Variants in NKAIN3 observed in about 807,000 individuals in gnomAD.
NKAIN3 encodes the protein sodium/potassium transporting ATPase interacting 3, also known as sodium/potassium-transporting ATPase subunit beta-1-interacting protein 3.
NKAIN3 carries 25 observed loss-of-function variants against 30.2 expected under a neutral mutation model. The ratio of observed to expected loss-of-function variants is 0.83; its 90% CI spans 0.60 to 1.16. The LOEUF is 1.16. Among genes scored for constraint, NKAIN3 ranks in the 50% most tolerant of loss-of-function variants. The probability of loss-of-function intolerance (pLI) is 0.00; values close to 1 mark genes in which losing one functional copy is unlikely to be tolerated. For missense variants in NKAIN3, 225 were observed against 254.1 expected (o/e 0.89, Z 0.78); for synonymous variants, 91 against 89.6 (o/e 1.02, Z -0.09).
rs1351624113 is a variant in NKAIN3, at chr8:62,957,379, C to T, written c.603+3407C>T. ...TCGATCTCCTGACCTTGTGATCCGCCCCCTTCGGCCTCCCAAAGTGTTGGG... is the reference window on the plus strand; with the variant it reads ...TCGATCTCCTGACCTTGTGATCCGCTCCCTTCGGCCTCCCAAAGTGTTGGG... On this transcript the variant is annotated intron_variant, in intron 6 of 6. Coordinates refer to ENST00000623646, the MANE Select transcript of NKAIN3 (RefSeq NM_001304533.3). Among the ~76,000 whole-genome samples, 3 of 152,328 alleles carry T rather than the reference C, an allele frequency of 2.0e-5. No individual in the cohort carries two copies. The East Asian group carries it at 5.8e-4, about 29-fold the overall frequency.
In NKAIN3 at chr8:62,291,061, A is replaced by T. The variant is rs189836186; in HGVS notation, c.54+41934A>T. 5.6e-3 allele frequency among the ~76,000 whole-genome samples: 857 copies of T among 152,150 alleles called. 9 individuals carry two copies. Among genetic ancestry groups the T allele is most frequent in the African/African-American group, 0.02 (819 of 41,510 alleles). ...GTAGTATTCTGTGATGGTAGTTTGT[A>T]TTTCTGTGGGATCAGTGGTGATATC... On this transcript the variant is annotated intron_variant, in intron 1 of 6. Transcript: ENST00000623646.
downstream of NKAIN3, chr8:62,985,012 G>A (rs1824174185): frequency 1.3e-5 from 2 of 152,104 alleles, no homozygotes; most frequent in African/African-American, 4.8e-5. Context: ...GATTTTGGAG[G>A]ATTACCCCCC....
intron 1 of NKAIN3, among the ~76,000 whole-genome samples, chr8:62,355,942 T>C (rs1248808859): frequency 1.3e-5 from 2 of 152,248 alleles, no homozygotes; most frequent in Non-Finnish European, 2.9e-5. Flanking sequence ...TCATGATCTC[T>C]AAAAATTAAC....
chr8:62,454,492 C>T (rs1177624852), intron 1 of NKAIN3, among the ~76,000 whole-genome samples: 1 of 151,812 alleles, frequency 6.6e-6, no homozygotes, highest in African/African-American at 2.4e-5. Context: ...AACTCCTGCC[C>T]TATAATTTTT....
rs7841246 is a variant in NKAIN3, at chr8:62,925,006, G to A, written c.532+6493G>A. ...ATTAGGTTTCAACATATGAATTGGT[G>A]GGGGTGGGAGGGTAATAAACATTCA... is the stretch of plus-strand genomic sequence containing the variant. On this transcript the variant is annotated intron_variant, in intron 5 of 6. Transcript: ENST00000623646. Among the ~76,000 whole-genome samples the A allele has an allele frequency of 8.5e-3, 1,292 of 152,204 alleles. 23 individuals carry two copies. The highest frequency in any genetic ancestry group is 0.03 in the African/African-American group (1,248 of 41,524).
intron 1 of NKAIN3, among the ~76,000 whole-genome samples, chr8:62,437,359 A>C (rs1417690386): frequency 6.6e-6 from 1 of 152,210 alleles, no homozygotes; most frequent in Non-Finnish European, 1.5e-5. Context: ...GTTAACACGG[A>C]TAGTTAAATG....
intron 5 of NKAIN3, among the ~76,000 whole-genome samples, chr8:62,942,444 A>G (rs923002528): frequency 6.6e-6 from 1 of 151,316 alleles, no homozygotes; most frequent in Non-Finnish European, 1.5e-5. Flanking sequence ...TGAAATGACC[A>G]TACTTCCAAA....
intron 1 of NKAIN3, among the ~76,000 whole-genome samples, chr8:62,572,656 A>C (rs958634760): frequency 2.0e-5 from 3 of 152,168 alleles, no homozygotes; most frequent in African/African-American, 7.2e-5. Flanking sequence ...TCATGGCAGG[A>C]GGTGAATGAC....
At chr8:62,821,818 A>C (rs546483336) in intron 4 of NKAIN3, among the ~76,000 whole-genome samples, 1 of 152,198 alleles carries the variant, frequency 6.6e-6, no homozygotes, top group African/African-American at 2.4e-5. Context: ...CATGAGTGTG[A>C]GTTTTACTAA....
intron 3 of NKAIN3, among the ~76,000 whole-genome samples, chr8:62,707,199 G>A (rs957136828): frequency 1.3e-5 from 2 of 152,030 alleles, no homozygotes; most frequent in African/African-American, 4.8e-5. Flanking sequence ...GTGTGTGCAA[G>A]TATCTTTTTC....
intron 1 of NKAIN3, among the ~76,000 whole-genome samples, chr8:62,553,395 A>G (rs1347079413): frequency 6.6e-6 from 1 of 152,184 alleles, no homozygotes; most frequent in Non-Finnish European, 1.5e-5. Flanking sequence ...CCATTGTTAC[A>G]TTCCTTATTT....
At chr8:62,321,741 T>G (rs1406974531) in intron 1 of NKAIN3, among the ~76,000 whole-genome samples, 1 of 152,138 alleles carries the variant, frequency 6.6e-6, no homozygotes, top group Non-Finnish European at 1.5e-5. Context: ...CTGCCCCTAC[T>G]GGGGGGTGCC....
intron 4 of NKAIN3, among the ~76,000 whole-genome samples, chr8:62,812,191 T>A (rs1818508718): frequency 2.6e-5 from 4 of 151,972 alleles, no homozygotes; most frequent in African/African-American, 9.7e-5. Context: ...GTTCCACTCT[T>A]CTAAGTATCA....
chr8:62,926,527 C>T (rs1822450497), intron 5 of NKAIN3, among the ~76,000 whole-genome samples: 1 of 138,746 alleles, frequency 7.2e-6, no homozygotes, highest in South Asian at 2.1e-4. Context: ...TTCATCACTG[C>T]TTTCTCCAAG....
intron 5 of NKAIN3, among the ~76,000 whole-genome samples, chr8:62,925,713 A>G (rs1312832715): frequency 6.6e-6 from 1 of 152,166 alleles, no homozygotes; most frequent in African/African-American, 2.4e-5. Flanking sequence ...CTGACACTGC[A>G]GTTCTATAGA....
At chr8:62,452,501 C>A (rs1299030067) in intron 1 of NKAIN3, among the ~76,000 whole-genome samples, 1 of 151,682 alleles carries the variant, frequency 6.6e-6, no homozygotes, top group Non-Finnish European at 1.5e-5. Context: ...AATAAATAAA[C>A]AAACAAACAA....
chr8:62,477,843 A>G (rs1020407415), intron 1 of NKAIN3, among the ~76,000 whole-genome samples: 1 of 152,200 alleles, frequency 6.6e-6, no homozygotes, highest in African/African-American at 2.4e-5. Context: ...ACTGCCTAAA[A>G]CAGTGAGGGG....
At chr8:62,571,961 C>G (rs1809955637) in intron 1 of NKAIN3, among the ~76,000 whole-genome samples, 1 of 152,076 alleles carries the variant, frequency 6.6e-6, no homozygotes, top group South Asian at 2.1e-4. Context: ...TCTGACATGC[C>G]CTGGAGACAT....
intron 4 of NKAIN3, among the ~76,000 whole-genome samples, chr8:62,775,135 G>C (rs1586182859): frequency 6.6e-6 from 1 of 152,038 alleles, no homozygotes; most frequent in East Asian, 1.9e-4. Context: ...ATCTTGGGAG[G>C]TTGTATGTGT....
Sources: gnomAD v4.1 joint callset for allele counts (sites outside exome capture counted in the v4.1 genomes callset) on GRCh38, gnomAD v4.1.1 for gene constraint, MANE v1.5 for transcripts, NCBI Gene and HGNC (gene_info 2026-07-23, HGNC 2026-07-21) for gene names.